The following A1CF variants were observed in gnomAD, a reference collection of about 807,000 sequenced individuals.
The protein encoded by A1CF is APOBEC-1 stimulating protein.
Under a neutral mutation model 68.9 loss-of-function variants are expected in A1CF, and 48 were observed. That is an observed-to-expected ratio of 0.70 (90% CI 0.55 to 0.89). A1CF has a LOEUF of 0.89. Among genes scored for constraint, A1CF ranks in the 40% least tolerant of loss-of-function variants. The probability of loss-of-function intolerance (pLI) is 0.00; values close to 1 mark genes in which losing one functional copy is unlikely to be tolerated. For synonymous variants in A1CF, 272 were observed against 260.4 expected, an observed-to-expected ratio of 1.04 and a Z score of -0.43; for missense variants, 653 against 718.9, an observed-to-expected ratio of 0.91 and a Z score of 1.05.
At chr10:50,870,425 G>A (rs12768916) in intron 1 of A1CF, among the ~76,000 whole-genome samples, 47,927 of 151,558 alleles carry the variant, frequency 0.32, 7,709 homozygotes, top group East Asian at 0.45. Context: ...TCCTGACAAG[G>A]TAAAAAGGAG....
intron 4 of A1CF, among the ~76,000 whole-genome samples, chr10:50,842,936 C>T: frequency 6.6e-6 from 1 of 152,206 alleles, no homozygotes; most frequent in East Asian, 1.9e-4. Flanking sequence ...GCTATAGTGA[C>T]TCTACTTGCC....
chr10:50,861,400 T>C (rs1456934389), intron 2 of A1CF, among the ~76,000 whole-genome samples: 1 of 149,660 alleles, frequency 6.7e-6, no homozygotes, highest in African/African-American at 2.4e-5. Flanking sequence ...ACAGTGCTAG[T>C]ATCACTAATA....
chr10:50,810,565 C>T (rs747545173), intron 11 of A1CF, among the ~76,000 whole-genome samples: 6 of 152,192 alleles, frequency 3.9e-5, no homozygotes, highest in Admixed American at 6.5e-5. Context: ...AACTCCACCT[C>T]TCAGGTTCAA....
chr10:50,861,531 C>T lies in A1CF; in HGVS notation c.-45-1546G>A, dbSNP rs1400130339. Among the ~76,000 whole-genome samples, 3 of 148,128 alleles carry T rather than the reference C, an allele frequency of 2.0e-5. No individual in the cohort carries two copies. In the East Asian group the frequency reaches 6.0e-4, roughly 29 times the overall value. ...TAAGATATACTATTAGTAACAATAA[C>T]AATATTATTAGGACTACCTACTAAT... On this transcript the variant is annotated intron_variant, in intron 2 of 12. Coordinates refer to ENST00000373997, the MANE Select transcript of A1CF (RefSeq NM_014576.4).
chr10:50,848,330 G>T (rs1370387307), intron 3 of A1CF, among the ~76,000 whole-genome samples: 1 of 152,156 alleles, frequency 6.6e-6, no homozygotes, highest in Non-Finnish European at 1.5e-5. Flanking sequence ...TTAATTTATT[G>T]TAGAAAAGAC....
At chr10:50,828,834 C>T (rs1839097692) in intron 6 of A1CF, among the ~76,000 whole-genome samples, 1 of 152,024 alleles carries the variant, frequency 6.6e-6, no homozygotes, top group South Asian at 2.1e-4. Context: ...GTTCTCTGTC[C>T]CTCACACTTG....
At chr10:50,858,597 GA>G (rs1840595549) in intron 3 of A1CF, among the ~76,000 whole-genome samples, 1 of 152,050 alleles carries the variant, frequency 6.6e-6, no homozygotes, top group African/African-American at 2.4e-5. Flanking sequence ...ATTGCTGTTT[GA>G]AAGGGTTGAA....
chr10:50,813,990 G>A lies in A1CF; in HGVS notation c.1190C>T (p.Thr397Ile), dbSNP rs138192088. Reference sequence around the variant, plus strand: ...GACCTGGTATCCTCGACCCAGGCCTGTGTATGCCAAATAGCCACGGCCGCC... The same window carrying A: ...GACCTGGTATCCTCGACCCAGGCCTATGTATGCCAAATAGCCACGGCCGCC... ...GLGGRGYLAY[T>I]GLGRGYQVKG... The change falls in exon 10 of 13, where the codon ACA (threonine) becomes ATA (isoleucine). Residue 397 changes from threonine to isoleucine, a missense_variant. Transcript: ENST00000373997. 1.9e-6 allele frequency: 3 copies of A among 1,613,824 alleles called. No homozygotes were observed. Among genetic ancestry groups the A allele is most frequent in the Middle Eastern group, 1.7e-4 (1 of 6,048 alleles).
chr10:50,842,661 T>C lies in A1CF; in HGVS notation c.235-669A>G, dbSNP rs146494534. Among the ~76,000 whole-genome samples, 312 of 152,328 alleles carry C rather than the reference T, an allele frequency of 2.0e-3. 1 individual carries two copies. Among genetic ancestry groups the C allele is most frequent in the African/African-American group, 7.3e-3 (304 of 41,580 alleles). On this transcript the variant is annotated intron_variant, in intron 4 of 12. Transcript: ENST00000373997. ...TATGTCCATTTCCTCTAAATTGTCC[T>C]CTGAAATCTCCATAGTTTAATTTCC...
intron 3 of A1CF, 27 bp from the exon 4 acceptor site, chr10:50,844,149 A>C: frequency 6.3e-7 from 1 of 1,597,682 alleles, no homozygotes; most frequent in Non-Finnish European, 8.5e-7. Flanking sequence ...GGTGTGAAGG[A>C]GAGGAGAAAA....
intron 3 of A1CF, 64 bp from the exon 4 acceptor site, chr10:50,844,186 T>G (rs1839898963): frequency 3.2e-6 from 5 of 1,572,300 alleles, no homozygotes; most frequent in Non-Finnish European, 4.3e-6. Flanking sequence ...TCAATTTCCC[T>G]GAGTATTTTT....
At chr10:50,826,292 C>T (rs1189925152) in intron 7 of A1CF, among the ~76,000 whole-genome samples, 1 of 152,038 alleles carries the variant, frequency 6.6e-6, no homozygotes, top group African/African-American at 2.4e-5. Flanking sequence ...GACCACATGG[C>T]TTGATTTTCT....
At chr10:50,832,407 G>A (rs1178836882) in intron 6 of A1CF, among the ~76,000 whole-genome samples, 1 of 152,150 alleles carries the variant, frequency 6.6e-6, no homozygotes, top group Non-Finnish European at 1.5e-5. Context: ...TGGATCTCAG[G>A]AGTTTTAAAA....
intron 1 of A1CF, among the ~76,000 whole-genome samples, chr10:50,884,938 T>C (rs904141525): frequency 3.3e-5 from 5 of 152,242 alleles, no homozygotes; most frequent in Non-Finnish European, 7.3e-5. Flanking sequence ...GGAAACAATA[T>C]AATAATTAGC....
chr10:50,824,539 G>A (rs1208884218), intron 7 of A1CF: 2 of 152,234 alleles, frequency 1.3e-5, no homozygotes, highest in Admixed American at 1.3e-4. Flanking sequence ...CAAAACACAA[G>A]TCTTCTCTGC....
intron 1 of A1CF, among the ~76,000 whole-genome samples, chr10:50,866,920 G>T (rs1477473310): frequency 1.3e-5 from 2 of 152,050 alleles, no homozygotes; most frequent in African/African-American, 4.8e-5. Context: ...TAGCTATGTT[G>T]CCCAGGTTGG....
At chr10:50,815,376 C>G (rs909969204) in intron 9 of A1CF, among the ~76,000 whole-genome samples, 27 of 152,070 alleles carry the variant, frequency 1.8e-4, no homozygotes, top group African/African-American at 6.5e-4. Flanking sequence ...TATTAGCAGT[C>G]TGATTGAGGG....
At chr10:50,810,903 C>T (rs1838077425) in intron 11 of A1CF, 137 bp downstream of exon 11, 2 of 1,048,726 alleles carry the variant, frequency 1.9e-6, no homozygotes, top group African/African-American at 3.3e-5. Context: ...ATCCCAACTA[C>T]ACATCTCAAT....
chr10:50,827,641 T>C (rs1229928481), intron 7 of A1CF, among the ~76,000 whole-genome samples: 2 of 152,216 alleles, frequency 1.3e-5, no homozygotes, highest in Non-Finnish European at 1.5e-5. Flanking sequence ...TAAAGCAATG[T>C]GTAGAGGGAA....
Sources: allele counts gnomAD v4.1 joint callset (sites outside exome capture counted in the v4.1 genomes callset), GRCh38; gene constraint gnomAD v4.1.1; transcripts MANE v1.5; gene names NCBI Gene and HGNC (gene_info 2026-07-23, HGNC 2026-07-21).